The following PCDH7 variants were observed in gnomAD, a reference collection of about 807,000 sequenced individuals.
PCDH7 encodes the protein protocadherin 7, also known as protocadherin-7.
Under a neutral mutation model 58.9 loss-of-function variants are expected in PCDH7, and 17 were observed. The observed-to-expected ratio is 0.29, with a 90% CI of 0.20 to 0.43. The LOEUF is 0.43. Ranked by LOEUF, PCDH7 falls within the 20% of genes least tolerant of loss-of-function variation. PCDH7 has a pLI of 1.00. For missense variants in PCDH7, 1,274 were observed against 1,441.0 expected (o/e 0.88, Z 1.88); for synonymous variants, 664 against 616.4 (o/e 1.08, Z -1.14).
At chr4:30,810,406 T>C (rs1215953828) in intron 1 of PCDH7, among the ~76,000 whole-genome samples, 1 of 147,198 alleles carries the variant, frequency 6.8e-6, no homozygotes, top group East Asian at 2.0e-4. Context: ...GGATCTGCAC[T>C]TAATATAATA....
chr4:30,912,400 G>T (rs991029171), intron 1 of PCDH7, among the ~76,000 whole-genome samples: 1 of 152,124 alleles, frequency 6.6e-6, no homozygotes, highest in African/African-American at 2.4e-5. Flanking sequence ...ATGAAATGCA[G>T]CACTCCTTAT....
At chr4:30,807,328 C>A (rs543912056) in intron 1 of PCDH7, among the ~76,000 whole-genome samples, 2 of 152,278 alleles carry the variant, frequency 1.3e-5, no homozygotes, top group South Asian at 4.1e-4. Context: ...ACGTTGTCTT[C>A]CTTATATTCA....
chr4:31,003,379 T>G (rs73214965), intron 3 of PCDH7, among the ~76,000 whole-genome samples: 121 of 89,614 alleles, frequency 1.4e-3, no homozygotes, highest in Admixed American at 2.5e-3. Flanking sequence ...AAAAATACTG[T>G]TTTTTTTTTT....
chr4:30,970,485 A>AG (rs57004941), intron 3 of PCDH7, among the ~76,000 whole-genome samples: 93,961 of 151,676 alleles, frequency 0.62, 30,504 homozygotes, highest in African/African-American at 0.83. Flanking sequence ...TAGTAGAGAC[A>AG]GGTTTCACCA....
chr4:31,055,508 T>C (rs1757084038), intron 3 of PCDH7, among the ~76,000 whole-genome samples: 1 of 152,138 alleles, frequency 6.6e-6, no homozygotes, highest in Non-Finnish European at 1.5e-5. Context: ...GCATTCACCT[T>C]AGTAAACATC....
chr4:30,967,059 T>C (rs1474987679), intron 3 of PCDH7, among the ~76,000 whole-genome samples: 2 of 152,122 alleles, frequency 1.3e-5, no homozygotes, highest in Non-Finnish European at 2.9e-5. Flanking sequence ...TATTTAAAAT[T>C]AGTCAATATA....
chr4:30,866,565 T>C (rs1253504817), intron 1 of PCDH7, among the ~76,000 whole-genome samples: 1 of 152,104 alleles, frequency 6.6e-6, no homozygotes, highest in East Asian at 1.9e-4. Context: ...AACTTTTCTG[T>C]TCAATTTTCC....
chr4:31,053,965 TTTG>T (rs1435609707), intron 3 of PCDH7, among the ~76,000 whole-genome samples: 4 of 152,158 alleles, frequency 2.6e-5, no homozygotes, highest in Non-Finnish European at 4.4e-5. Flanking sequence ...AACAACTTTT[TTTG>T]TTGTTTTTTG....
At chr4:30,732,543 G>C (rs902683182) in exon 2 of PCDH7, 2 of 152,146 alleles carry the variant, frequency 1.3e-5, no homozygotes, top group African/African-American at 4.8e-5. Context: ...AATTTATTGA[G>C]TCTCTACCAC....
At chr4:31,043,814 A>G (rs1184486473) in intron 3 of PCDH7, among the ~76,000 whole-genome samples, 1 of 151,946 alleles carries the variant, frequency 6.6e-6, no homozygotes, top group East Asian at 1.9e-4. Context: ...TTTAGTTAAT[A>G]TTTTCAAGAG....
chr4:30,815,871 A>T (rs746353962), intron 1 of PCDH7, among the ~76,000 whole-genome samples: 50 of 152,270 alleles, frequency 3.3e-4, no homozygotes, highest in Non-Finnish European at 6.2e-4. Context: ...TCATCACCTG[A>T]TGGTCGCCTG....
intron 3 of PCDH7, among the ~76,000 whole-genome samples, chr4:31,098,268 C>T (rs1312353748): frequency 6.6e-6 from 1 of 152,102 alleles, no homozygotes; most frequent in Non-Finnish European, 1.5e-5. Flanking sequence ...TCGTGACTGA[C>T]CAGTGGAAAA....
At chr4:30,778,342 A>T (rs1351328464) in intron 1 of PCDH7, among the ~76,000 whole-genome samples, 1 of 152,054 alleles carries the variant, frequency 6.6e-6, no homozygotes, top group Non-Finnish European at 1.5e-5. Flanking sequence ...AGAAAACCAT[A>T]TTGCCTTGTA....
At chr4:30,852,593 G>A (rs570557443) in intron 1 of PCDH7, among the ~76,000 whole-genome samples, 10 of 151,968 alleles carry the variant, frequency 6.6e-5, no homozygotes, top group African/African-American at 1.7e-4. Flanking sequence ...CCTACTTGAC[G>A]TTCATTATTG....
At position 30,721,388 on chromosome 4, in the gene PCDH7, G is replaced by A. The variant is rs561716656; in HGVS notation, c.-35G>A. 1.4e-6 allele frequency: 2 copies of A among 1,454,182 alleles called. No individual in the cohort carries two copies. The highest frequency in any genetic ancestry group is 1.8e-6 in the Non-Finnish European group (2 of 1,105,250). The allele number at this position is 1,454,182 out of a possible 1,614,324, so 90.1% of individuals were successfully genotyped here. A position where few individuals can be genotyped will look rare whatever the true frequency, so the allele number is the denominator to read the frequency against. ...GGAGGGGGGCGCCGAGGGGGCTGTGGTTAGAAGGAGCAGTAGCAGCAGCAG... is the reference window on the plus strand; with the variant it reads ...GGAGGGGGGCGCCGAGGGGGCTGTGATTAGAAGGAGCAGTAGCAGCAGCAG... On this transcript the variant is annotated 5_prime_UTR_variant, in exon 1 of 2. An upstream open reading frame in the 5' UTR gains an earlier in-frame stop. Transcript: ENST00000361762. This position sits in a 1 kb window ranked among gnomAD's most constrained non-coding sequence, Gnocchi z 6.7.
chr4:31,094,528 G>T (rs1172850612), intron 3 of PCDH7, among the ~76,000 whole-genome samples: 1 of 152,070 alleles, frequency 6.6e-6, no homozygotes, highest in Non-Finnish European at 1.5e-5. Context: ...AGTTTATACT[G>T]CAGAATCACA....
intron 1 of PCDH7, among the ~76,000 whole-genome samples, chr4:30,903,174 A>T (rs1490635423): frequency 6.6e-6 from 1 of 152,100 alleles, no homozygotes; most frequent in East Asian, 1.9e-4. Flanking sequence ...TTATTTAGTG[A>T]ATTTATTTTT....
intron 1 of PCDH7, among the ~76,000 whole-genome samples, chr4:30,765,523 A>G (rs1720632407): frequency 6.6e-6 from 1 of 152,232 alleles, no homozygotes; most frequent in South Asian, 2.1e-4. Context: ...TTGCACTTTC[A>G]TGGGGTTCTA....
chr4:30,927,376 A>T (rs1744002793), intron 2 of PCDH7, among the ~76,000 whole-genome samples: 1 of 152,008 alleles, frequency 6.6e-6, no homozygotes, highest in African/African-American at 2.4e-5. Context: ...CTCATTGAGA[A>T]CGGGCCATGA....
Sources: gnomAD v4.1 joint callset for allele counts (sites outside exome capture counted in the v4.1 genomes callset) on GRCh38, gnomAD v4.1.1 for gene constraint, Gnocchi (gnomAD v3.1) non-coding constraint, MANE v1.5 for transcripts, NCBI Gene and HGNC (gene_info 2026-07-23, HGNC 2026-07-21) for gene names.